The following EPHA3 variants were observed in gnomAD, a reference collection of about 807,000 sequenced individuals.
EPHA3 encodes EPH receptor A3.
Under a neutral mutation model 107.1 loss-of-function variants are expected in EPHA3, and 42 were observed. The ratio of observed to expected loss-of-function variants is 0.39; its 90% CI spans 0.31 to 0.51. The LOEUF (loss-of-function observed/expected upper bound fraction) is 0.51, where lower values mean the gene tolerates loss of function less well. Among genes scored for constraint, EPHA3 ranks in the 20% least tolerant of loss-of-function variants. EPHA3 has a pLI of 0.78. For synonymous variants in EPHA3, 461 were observed against 424.8 expected (o/e 1.09, Z -1.05); for missense variants, 1,183 against 1,211.2 (o/e 0.98, Z 0.35).
intron 3 of EPHA3, among the ~76,000 whole-genome samples, chr3:89,295,741 C>G (rs1305539884): frequency 1.3e-5 from 2 of 152,208 alleles, no homozygotes; most frequent in East Asian, 3.9e-4. Flanking sequence ...TAGGCATGCA[C>G]CACCACACCC....
rs546053708 is a variant in EPHA3 at position 89,201,937 on chromosome 3, A to G, written c.154-7923A>G. Among the ~76,000 whole-genome samples, 3 of 152,262 alleles carry G rather than the reference A, an allele frequency of 2.0e-5. No individual in the cohort carries two copies. In the East Asian group the frequency reaches 5.8e-4, roughly 29 times the overall value. On this transcript the variant is annotated intron_variant, in intron 2 of 16. Transcript: ENST00000336596. Reference sequence around the variant, plus strand: ...CTGCCCTATATTCCAATCGTACTGGAACCCAGTTACTTAAACAGGTTTTGT... The same window carrying G: ...CTGCCCTATATTCCAATCGTACTGGGACCCAGTTACTTAAACAGGTTTTGT...
intron 11 of EPHA3, among the ~76,000 whole-genome samples, chr3:89,426,653 G>A (rs1396544727): frequency 6.6e-6 from 1 of 151,758 alleles, no homozygotes; most frequent in African/African-American, 2.4e-5. Flanking sequence ...CATAAGGCTG[G>A]GAGCCAGAAG....
chr3:89,429,276 C>A, intron 12 of EPHA3, 109 bp downstream of exon 12: 1 of 749,078 alleles, frequency 1.3e-6, no homozygotes, highest in Non-Finnish European at 2.1e-6. Context: ...TAAAGTAAAA[C>A]TGAAATCTTC....
chr3:89,324,339 T>G (rs1480268166), intron 3 of EPHA3, among the ~76,000 whole-genome samples: 2 of 151,666 alleles, frequency 1.3e-5, no homozygotes, highest in East Asian at 3.9e-4. Context: ...TGCTATTTTT[T>G]TTTGTATTTT....
rs542287080 is a variant in EPHA3, at chr3:89,166,849, C to A, written c.153+39576C>A. Among the ~76,000 whole-genome samples the A allele has an allele frequency of 3.9e-4, 60 of 152,238 alleles. No homozygotes were observed. In the East Asian group the frequency reaches 0.011, roughly 28 times the overall value. ...TGAATGGATAATTCTTTGAAAGCAT[C>A]AGTTAACAAACAGCACAAAAACACA... On this transcript the variant is annotated intron_variant, in intron 2 of 16. Coordinates refer to ENST00000336596, the MANE Select transcript of EPHA3 (RefSeq NM_005233.6).
intron 3 of EPHA3, among the ~76,000 whole-genome samples, chr3:89,246,988 G>A (rs781657294): frequency 1.5e-4 from 23 of 152,056 alleles, no homozygotes; most frequent in Non-Finnish European, 2.9e-4. Context: ...AGCATGTAGT[G>A]CCTGTGGTCT....
At chr3:89,435,588 A>C (rs895459141) in intron 13 of EPHA3, among the ~76,000 whole-genome samples, 1 of 144,030 alleles carries the variant, frequency 6.9e-6, no homozygotes, top group African/African-American at 2.6e-5. Context: ...TTATATATAA[A>C]TACATCTATA....
intron 11 of EPHA3, among the ~76,000 whole-genome samples, chr3:89,426,112 G>A (rs983996045): frequency 6.6e-6 from 1 of 151,664 alleles, no homozygotes; most frequent in Admixed American, 6.6e-5. Context: ...ACCCAGATGT[G>A]TTTTGGGGTT....
chr3:89,109,743 A>G (rs1707056670), intron 1 of EPHA3, among the ~76,000 whole-genome samples: 1 of 152,062 alleles, frequency 6.6e-6, no homozygotes, highest in African/African-American at 2.4e-5. Context: ...ACAGGTACAC[A>G]TTAACCATAT....
intron 3 of EPHA3, among the ~76,000 whole-genome samples, chr3:89,310,879 G>A (rs928947687): frequency 6.6e-6 from 1 of 151,948 alleles, no homozygotes; most frequent in African/African-American, 2.4e-5. Context: ...GTCTTCTGAA[G>A]CTGTCTTAGC....
At chr3:89,157,169 G>A (rs1047927710) in intron 2 of EPHA3, among the ~76,000 whole-genome samples, 1 of 152,044 alleles carries the variant, frequency 6.6e-6, no homozygotes, top group Non-Finnish European at 1.5e-5. Context: ...CTATGGTAGT[G>A]CGATCCAGTG....
At chr3:89,169,871 T>A (rs906553059) in intron 2 of EPHA3, among the ~76,000 whole-genome samples, 14 of 152,212 alleles carry the variant, frequency 9.2e-5, no homozygotes, top group Non-Finnish European at 1.6e-4. Flanking sequence ...CTACTTTACC[T>A]GAAGCCTTTG....
At chr3:89,142,663 A>G (rs1488349152) in intron 2 of EPHA3, among the ~76,000 whole-genome samples, 1 of 151,534 alleles carries the variant, frequency 6.6e-6, no homozygotes, top group Non-Finnish European at 1.5e-5. Context: ...TCTTAGAAGA[A>G]TAGGATATCT....
chr3:89,132,911 C>A (rs1439184137), intron 2 of EPHA3, among the ~76,000 whole-genome samples: 3 of 152,008 alleles, frequency 2.0e-5, no homozygotes, highest in Admixed American at 1.3e-4. Flanking sequence ...TTTTTTAAAT[C>A]TTGAAAAACA....
chr3:89,403,453 C>A (rs761038059), intron 7 of EPHA3, among the ~76,000 whole-genome samples: 25 of 151,914 alleles, frequency 1.6e-4, no homozygotes, highest in Non-Finnish European at 3.2e-4. Flanking sequence ...AACCTAGAAT[C>A]TCCAGGTTTT....
chr3:89,122,004 T>C (rs1559740825), intron 1 of EPHA3, among the ~76,000 whole-genome samples: 2 of 151,248 alleles, frequency 1.3e-5, no homozygotes, highest in Middle Eastern at 3.2e-3. Context: ...TTCTGTATTA[T>C]GTTTGACCGG....
At chr3:89,476,147 A>ATATATT (rs1559710215) in intron 16 of EPHA3, among the ~76,000 whole-genome samples, 2 of 147,362 alleles carry the variant, frequency 1.4e-5, no homozygotes, top group Admixed American at 1.4e-4. Flanking sequence ...TATTATATAT[A>ATATATT]ATATATAATG....
chr3:89,401,452 G>C (rs181436805), intron 7 of EPHA3, among the ~76,000 whole-genome samples: 2 of 152,304 alleles, frequency 1.3e-5, no homozygotes, highest in Admixed American at 1.3e-4. Context: ...AATAATGCAA[G>C]TGCCAACAAG....
At chr3:89,241,313 G>A (rs1704889973) in intron 3 of EPHA3, among the ~76,000 whole-genome samples, 1 of 152,136 alleles carries the variant, frequency 6.6e-6, no homozygotes, top group African/African-American at 2.4e-5. Context: ...GCCAATCAGT[G>A]TTGACCTACT....
Sources: gnomAD v4.1 joint callset for allele counts (sites outside exome capture counted in the v4.1 genomes callset) on GRCh38, gnomAD v4.1.1 for gene constraint, MANE v1.5 for transcripts, NCBI Gene and HGNC (gene_info 2026-07-23, HGNC 2026-07-21) for gene names.